The following DPP10 variants were observed in gnomAD, a reference collection of about 807,000 sequenced individuals.
DPP10 encodes the protein dipeptidyl peptidase like 10.
A neutral mutation model predicts 120.9 loss-of-function variants in DPP10; 33 were observed. The ratio of observed to expected loss-of-function variants is 0.27; its 90% CI spans 0.21 to 0.37. The LOEUF is 0.37. DPP10 is among the 10% of genes least tolerant of loss of function. The pLI is 1.00. For synonymous variants in DPP10, 337 were observed against 326.1 expected, an observed-to-expected ratio of 1.03 and a Z score of -0.36; for missense variants, 816 against 942.8, an observed-to-expected ratio of 0.87 and a Z score of 1.76.
chr2:114,580,522 C>T (rs778426840), intron 1 of DPP10, among the ~76,000 whole-genome samples: 5 of 152,112 alleles, frequency 3.3e-5, no homozygotes, highest in African/African-American at 7.2e-5. Flanking sequence ...TAGAATGAGA[C>T]GGATTTGGAA....
At chr2:114,965,229 C>T (rs570371786) in intron 1 of DPP10, among the ~76,000 whole-genome samples, 6 of 152,094 alleles carry the variant, frequency 3.9e-5, no homozygotes, top group Admixed American at 6.5e-5. Flanking sequence ...CTCTGCCTCC[C>T]GGGTTCAAGT....
At chr2:115,553,009 G>A (rs1322396880) in intron 5 of DPP10, among the ~76,000 whole-genome samples, 1 of 152,062 alleles carries the variant, frequency 6.6e-6, no homozygotes, top group South Asian at 2.1e-4. Context: ...ATAAGAGAGT[G>A]GAGGACTCAG....
chr2:115,374,115 A>G (rs2106415841), intron 3 of DPP10, among the ~76,000 whole-genome samples: 1 of 152,178 alleles, frequency 6.6e-6, no homozygotes, highest in South Asian at 2.1e-4. Flanking sequence ...GTCCTCTTAA[A>G]TCTCATGTCC....
chr2:114,954,943 G>A (rs1183572376), intron 1 of DPP10, among the ~76,000 whole-genome samples: 1 of 152,118 alleles, frequency 6.6e-6, no homozygotes, highest in Admixed American at 6.5e-5. Context: ...CAAACCCATA[G>A]CAAGGAGGTT....
chr2:114,900,074 T>A (rs1019726010), intron 1 of DPP10, among the ~76,000 whole-genome samples: 1 of 152,266 alleles, frequency 6.6e-6, no homozygotes, highest in African/African-American at 2.4e-5. Flanking sequence ...TATATCTGTT[T>A]TACTGTTGAT....
intron 3 of DPP10, among the ~76,000 whole-genome samples, chr2:115,486,158 C>A (rs2075764135): frequency 6.6e-6 from 1 of 151,886 alleles, no homozygotes; most frequent in Non-Finnish European, 1.5e-5. Flanking sequence ...TGTCTTTGAC[C>A]CATATGTCTT....
intron 1 of DPP10, among the ~76,000 whole-genome samples, chr2:115,133,178 GT>G (rs547453162): frequency 0.015 from 932 of 61,452 alleles, 4 homozygotes; most frequent in Middle Eastern, 0.023. Flanking sequence ...TATATATATA[GT>G]TTTTTTTTTT....
chr2:115,580,983 G>A (rs1333958531), intron 5 of DPP10, among the ~76,000 whole-genome samples: 3 of 152,156 alleles, frequency 2.0e-5, no homozygotes, highest in African/African-American at 7.2e-5. Context: ...GCCTAGAGAG[G>A]TTAGATCACT....
intron 5 of DPP10, among the ~76,000 whole-genome samples, chr2:115,542,051 G>A (rs1171923675): frequency 6.6e-6 from 1 of 151,850 alleles, no homozygotes; most frequent in African/African-American, 2.4e-5. Context: ...CAATTGACTA[G>A]CATAACATAA....
chr2:115,544,230 A>C (rs1160179989), intron 5 of DPP10, among the ~76,000 whole-genome samples: 1 of 152,048 alleles, frequency 6.6e-6, no homozygotes, highest in Non-Finnish European at 1.5e-5. Context: ...ATCCTTGAGA[A>C]AGTGTCAATA....
intron 1 of DPP10, among the ~76,000 whole-genome samples, chr2:114,634,459 A>C (rs1418066698): frequency 6.6e-6 from 1 of 151,792 alleles, no homozygotes; most frequent in African/African-American, 2.4e-5. Context: ...ACACATGGCC[A>C]CAGAGTGGAG....
At chr2:115,157,244 CAAAA>C (rs569338436) in intron 1 of DPP10, among the ~76,000 whole-genome samples, 1 of 101,478 alleles carries the variant, frequency 9.9e-6, no homozygotes, top group Non-Finnish European at 2.1e-5. Flanking sequence ...TTAAATATAG[CAAAA>C]AAAAAAAAAA....
At chr2:115,735,801 G>A (rs1676422211) in intron 8 of DPP10, among the ~76,000 whole-genome samples, 1 of 146,824 alleles carries the variant, frequency 6.8e-6, no homozygotes, top group Non-Finnish European at 1.5e-5. Context: ...CCAAAGTGTT[G>A]TGATTACAGG....
rs200481746 is a variant in DPP10, at chr2:115,601,046, ATCATCT to A, written c.441+75078_441+75083del. ...CCTATTTATGCCTATTCACCTGCTTATCATCTTCAAGTCTTTTCTAGGTCCTATGAG... is the reference window on the plus strand; with the variant it reads ...CCTATTTATGCCTATTCACCTGCTTATCAAGTCTTTTCTAGGTCCTATGAG... On this transcript the variant is annotated intron_variant, in intron 5 of 25. Coordinates refer to ENST00000410059, the MANE Select transcript of DPP10 (RefSeq NM_020868.6). Among the ~76,000 whole-genome samples the A allele has an allele frequency of 9.2e-3, 1,395 of 152,310 alleles. 15 individuals carry two copies. Among genetic ancestry groups the A allele is most frequent in the South Asian group, 0.046 (221 of 4,828 alleles).
At chr2:114,685,597 T>C (rs1438178082) in intron 1 of DPP10, among the ~76,000 whole-genome samples, 2 of 151,984 alleles carry the variant, frequency 1.3e-5, no homozygotes, top group African/African-American at 4.8e-5. Flanking sequence ...TCATCTTTTC[T>C]TCACCCTAAA....
chr2:115,809,156 A>G (rs1388963548), intron 19 of DPP10, among the ~76,000 whole-genome samples: 2 of 152,352 alleles, frequency 1.3e-5, no homozygotes, highest in East Asian at 1.9e-4. Flanking sequence ...TCATTCAGCC[A>G]TTCTTCATGT....
chr2:115,713,952 T>C (rs1345175696), intron 7 of DPP10, among the ~76,000 whole-genome samples: 1 of 152,190 alleles, frequency 6.6e-6, no homozygotes, highest in East Asian at 1.9e-4. Context: ...CATTTTCTCC[T>C]CAGTCACATT....
intron 1 of DPP10, among the ~76,000 whole-genome samples, chr2:114,531,496 T>C (rs1685978779): frequency 6.7e-6 from 1 of 149,622 alleles, no homozygotes; most frequent in East Asian, 1.9e-4. Flanking sequence ...TCTCTCCCTA[T>C]ATATATCTAT....
At position 115,151,455 on chromosome 2, in the gene DPP10, G is replaced by A. The variant is rs192346861; in HGVS notation, c.61-157784G>A. ...GAGACAGAGTCTTGCACTGTCACCC[G>A]GGAGTGCAATGGTGTGATCTCGGCT... On this transcript the variant is annotated intron_variant, in intron 1 of 25. Transcript: ENST00000410059. Among the ~76,000 whole-genome samples the A allele has an allele frequency of 8.5e-3, 1,246 of 147,094 alleles. 27 individuals are homozygous for A. Among genetic ancestry groups the A allele is most frequent in the African/African-American group, 0.03 (1,195 of 40,170 alleles).
Sources: gnomAD v4.1 joint callset for allele counts (sites outside exome capture counted in the v4.1 genomes callset) on GRCh38, gnomAD v4.1.1 for gene constraint, MANE v1.5 for transcripts, NCBI Gene and HGNC (gene_info 2026-07-23, HGNC 2026-07-21) for gene names.